The following ADGRA1 variants were observed in gnomAD, a reference collection of about 807,000 sequenced individuals.
ADGRA1 encodes the protein adhesion G protein-coupled receptor A1.
A neutral mutation model predicts 21.3 loss-of-function variants in ADGRA1; 12 were observed. The observed-to-expected ratio is 0.56, with a 90% CI of 0.36 to 0.91. ADGRA1 has a LOEUF of 0.91. Ranked by LOEUF, ADGRA1 falls within the 40% of genes least tolerant of loss-of-function variation. ADGRA1 has a pLI of 0.01. For synonymous variants in ADGRA1, 385 were observed against 368.8 expected (o/e 1.04, Z -0.50); for missense variants, 790 against 805.6 (o/e 0.98, Z 0.23).
intron 5 of ADGRA1, among the ~76,000 whole-genome samples, chr10:133,119,888 G>A (rs932903738): frequency 6.6e-6 from 1 of 152,168 alleles, no homozygotes; most frequent in Admixed American, 6.5e-5. Flanking sequence ...TCCACTTAAC[G>A]GAGCACAGGC....
chr10:133,092,967 G>A (rs918648124), intron 2 of ADGRA1: 1 of 1,585,792 alleles, frequency 6.3e-7, no homozygotes, highest in Non-Finnish European at 8.5e-7. Context: ...AGTTGGAGCT[G>A]CAGACCTGGC....
At chr10:133,094,478 CTG>C (rs1851654714) in intron 2 of ADGRA1, among the ~76,000 whole-genome samples, 1 of 152,208 alleles carries the variant, frequency 6.6e-6, no homozygotes, top group South Asian at 2.1e-4. Context: ...GAGCAGGAGT[CTG>C]AGTCCTGCAG....
chr10:133,114,383 G>A (rs1216290477), intron 5 of ADGRA1, among the ~76,000 whole-genome samples: 3 of 152,176 alleles, frequency 2.0e-5, no homozygotes, highest in South Asian at 2.1e-4. Context: ...CCAGAGCGGC[G>A]GTGCTATGGC....
At chr10:133,091,816 A>G (rs980620162) in intron 2 of ADGRA1, among the ~76,000 whole-genome samples, 2 of 152,116 alleles carry the variant, frequency 1.3e-5, no homozygotes, top group Non-Finnish European at 2.9e-5. Flanking sequence ...CGAAACCTCC[A>G]AGGAGACGAG....
intron 6 of ADGRA1, 150 bp from the exon 7 acceptor site, chr10:133,128,179 A>G: frequency 1.7e-6 from 1 of 574,758 alleles, no homozygotes; most frequent in Non-Finnish European, 2.9e-6. Flanking sequence ...CCACACTCTC[A>G]GCGACTCTAG....
chr10:133,130,708 CAT>C lies in ADGRA1; in HGVS notation c.*1200_*1201del, dbSNP rs1336517204. On this transcript the variant is annotated 3_prime_UTR_variant, in exon 7 of 7. Coordinates refer to ENST00000392607, the MANE Select transcript of ADGRA1 (RefSeq NM_001083909.3). The stretch of plus-strand genomic sequence containing the variant: ...ACATGCACACACACAAACACATGTG[CAT>C]ATCACACACGCGCACACACCCAAAC... 6.6e-6 allele frequency: 1 copy of C among 151,574 alleles called. No homozygotes were observed. The highest frequency in any genetic ancestry group is 1.5e-5 in the Non-Finnish European group (1 of 67,918). 9.4% of individuals were successfully genotyped at this position (151,574 alleles called of 1,614,324 possible).
At chr10:133,092,785 G>GGAAGGAAA (rs1554898489) in intron 2 of ADGRA1, among the ~76,000 whole-genome samples, 14 of 136,516 alleles carry the variant, frequency 1.0e-4, no homozygotes, top group Non-Finnish European at 2.0e-4. Flanking sequence ...AAGGAAGGAA[G>GGAAGGAAA]GAAGGAAGGA....
At chr10:133,118,319 A>G (rs1258625662) in intron 5 of ADGRA1, among the ~76,000 whole-genome samples, 2 of 152,236 alleles carry the variant, frequency 1.3e-5, no homozygotes, top group Non-Finnish European at 2.9e-5. Flanking sequence ...TTGCACACTT[A>G]GTCAACTACA....
At chr10:133,095,572 C>A in intron 2 of ADGRA1, 2 of 1,466,804 alleles carry the variant, frequency 1.4e-6, no homozygotes, top group African/African-American at 2.8e-5. Context: ...CCGGTGCCCG[C>A]CTGGCCAGTG....
intron 5 of ADGRA1, among the ~76,000 whole-genome samples, chr10:133,111,975 A>T (rs9419006): frequency 6.5e-5 from 1 of 15,364 alleles, no homozygotes. Context: ...TGCCCACCAC[A>T]GGCACCTCCC....
At chr10:133,100,783 C>T (rs1851777363) in intron 4 of ADGRA1, among the ~76,000 whole-genome samples, 1 of 152,242 alleles carries the variant, frequency 6.6e-6, no homozygotes, top group African/African-American at 2.4e-5. Flanking sequence ...CAGAGACAAA[C>T]CCACATGGTC....
intron 4 of ADGRA1, among the ~76,000 whole-genome samples, chr10:133,101,109 C>T (rs1241387084): frequency 2.0e-5 from 3 of 152,214 alleles, no homozygotes; most frequent in Admixed American, 6.5e-5. Flanking sequence ...CAGCCACTAC[C>T]GGCTGGAGGA....
At chr10:133,118,852 T>C (rs1452539553) in intron 5 of ADGRA1, among the ~76,000 whole-genome samples, 1 of 151,034 alleles carries the variant, frequency 6.6e-6, no homozygotes, top group Non-Finnish European at 1.5e-5. Context: ...ACCTCTTCAG[T>C]GTGCACACAC....
intron 3 of ADGRA1, among the ~76,000 whole-genome samples, chr10:133,097,669 G>A (rs558830700): frequency 4.3e-4 from 66 of 152,336 alleles, no homozygotes; most frequent in African/African-American, 1.5e-3. Context: ...GGGCGGTTCC[G>A]AAACTGTCAT....
chr10:133,125,619 C>T (rs944412263), intron 5 of ADGRA1, among the ~76,000 whole-genome samples: 39 of 151,870 alleles, frequency 2.6e-4, no homozygotes, highest in African/African-American at 8.5e-4. Flanking sequence ...TTAGTACAGA[C>T]GGGGTTTCAC....
rs989434779 is a variant in ADGRA1 at position 133,131,504 on chromosome 10, G to A, written c.*1993G>A. 2 of 152,466 alleles carry A rather than the reference G, an allele frequency of 1.3e-5. No homozygotes were observed. Among genetic ancestry groups the A allele is most frequent in the African/African-American group, 4.8e-5 (2 of 41,466 alleles). The allele number at this position is 152,466 out of a possible 1,614,324, so 9.4% of individuals were successfully genotyped here. On this transcript the variant is annotated 3_prime_UTR_variant, in exon 7 of 7. Transcript: ENST00000392607. ...CGATGGGGTAGAGGGGCACCTGAAT[G>A]TGTGGCCCCCGTCTGTGTCCTGGAT...
At chr10:133,100,567 G>A (rs966824342) in intron 4 of ADGRA1, among the ~76,000 whole-genome samples, 21 of 152,254 alleles carry the variant, frequency 1.4e-4, no homozygotes, top group African/African-American at 4.3e-4. Context: ...CAGCAGGCAG[G>A]TCTGGAAGGT....
chr10:133,105,352 C>A (rs958119842), intron 5 of ADGRA1, among the ~76,000 whole-genome samples: 1 of 152,182 alleles, frequency 6.6e-6, no homozygotes, highest in Non-Finnish European at 1.5e-5. Context: ...TGTAAGCCCC[C>A]GTCCCCGGCC....
At chr10:133,089,027 C>A in intron 2 of ADGRA1, 115 bp downstream of exon 2, 1 of 1,234,268 alleles carries the variant, frequency 8.1e-7, no homozygotes, top group Non-Finnish European at 1.0e-6. Flanking sequence ...AGCTGGTGAC[C>A]GGGCTTCCGG....
Sources: allele counts gnomAD v4.1 joint callset (sites outside exome capture counted in the v4.1 genomes callset), GRCh38; gene constraint gnomAD v4.1.1; transcripts MANE v1.5; gene names NCBI Gene and HGNC (gene_info 2026-07-23, HGNC 2026-07-21).